MIB2: variants seen among roughly 807,000 people sequenced by gnomAD.
MIB2 encodes the protein E3 ubiquitin-protein ligase MIB2.
Under a neutral mutation model 96.6 loss-of-function variants are expected in MIB2, and 78 were observed. That is an observed-to-expected ratio of 0.81 (90% CI 0.67 to 0.97). MIB2 has a LOEUF of 0.97. Among genes scored for constraint, MIB2 ranks in the 50% least tolerant of loss-of-function variants. The pLI is 0.00. For synonymous variants in MIB2, 820 were observed against 629.5 expected, an observed-to-expected ratio of 1.30 and a Z score of -4.53; for missense variants, 1,543 against 1,424.0, an observed-to-expected ratio of 1.08 and a Z score of -1.35.
chr1:1,615,670 G>T, intron 1 of MIB2, 37 bp downstream of exon 1: 1 of 1,547,560 alleles, frequency 6.5e-7, no homozygotes. Flanking sequence ...CTGGTCCTCC[G>T]CACCGTCCCC....
chr1:1,616,213 G>GCCCGCCCCTGGCCCGCCCGTT (rs1553140930), intron 1 of MIB2: 12 of 627,568 alleles, frequency 1.9e-5, no homozygotes, highest in Non-Finnish European at 2.4e-5. Context: ...TGCCCGCCGT[G>GCCCGCCCCTGGCCCGCCCGTT]CCCGCCCCTG....
rs771648846 is a variant in MIB2 at position 1,623,888 on chromosome 1, A to G, written c.362A>G (p.His121Arg). ...DYDLCTQCYM[H>R]NKHELAHAFD... ...GACCTCTGCACGCAGTGCTACATGC[A>G]CAACAAGCATGAGCTCGCCCACGCC... The change falls in exon 4 of 20, where the codon CAC becomes CGC. Residue 121 changes from histidine to arginine, a missense_variant. Transcript: ENST00000355826. 2.7e-5 allele frequency: 44 copies of G among 1,612,100 alleles called. No individual in the cohort carries two copies. The highest frequency in any genetic ancestry group is 3.6e-5 in the Non-Finnish European group (42 of 1,179,562).
intron 2 of MIB2, chr1:1,617,168 G>A (rs1485262694): frequency 6.4e-6 from 1 of 156,384 alleles, no homozygotes; most frequent in Non-Finnish European, 1.4e-5. Context: ...ATCTGCGTTA[G>A]CTGGAGCTAC....
At position 1,624,581 on chromosome 1, in the gene MIB2, G is replaced by A. The variant is rs375260163; in HGVS notation, c.420-214G>A. Among the ~76,000 whole-genome samples, 10 of 152,298 alleles carry A rather than the reference G, an allele frequency of 6.6e-5. No individual in the cohort carries two copies. In the East Asian group the frequency reaches 1.2e-3, roughly 18 times the overall value. ...CTGGAGGAACGTGGTCCGCAGGTTC[G>A]CTCCAGGCCCCTGAGCCCAGGGGCA... is the stretch of plus-strand genomic sequence containing the variant. On this transcript the variant is annotated intron_variant, in intron 4 of 19. Coordinates refer to ENST00000355826, the MANE Select transcript of MIB2 (RefSeq NM_001170687.4).
intron 1 of MIB2, 119 bp downstream of exon 1, chr1:1,615,752 C>T (rs1030766869): frequency 9.6e-5 from 140 of 1,453,358 alleles, no homozygotes; most frequent in Non-Finnish European, 1.2e-4. Context: ...CAGCCCCGGG[C>T]TGGACTCGGC....
rs1644694163 is a variant in MIB2, at chr1:1,625,705, C to T, written c.972+52C>T. 1.4e-6 allele frequency: 2 copies of T among 1,455,656 alleles called. No homozygotes were observed. Among genetic ancestry groups the T allele is most frequent in the South Asian group, 1.2e-5 (1 of 81,610 alleles). The allele number at this position is 1,455,656 out of a possible 1,614,324, so 90.2% of individuals were successfully genotyped here. ...ATCTGCTTGCTTCTGTAACCCCTTCCACGTACCCCCTTGGCCTTGGGGGGT... is the reference window on the plus strand; with the variant it reads ...ATCTGCTTGCTTCTGTAACCCCTTCTACGTACCCCCTTGGCCTTGGGGGGT... On this transcript the variant is annotated intron_variant, in intron 8 of 19. Transcript: ENST00000355826. The surrounding 1 kb of genome is among the most constrained non-coding windows in gnomAD (Gnocchi z 5.0).
intron 2 of MIB2, 170 bp from the exon 3 acceptor site, chr1:1,623,261 C>A: frequency 8.6e-7 from 1 of 1,166,444 alleles, no homozygotes; most frequent in Non-Finnish European, 1.2e-6. Flanking sequence ...TGGTGCCAGA[C>A]TGCGGGCCTC....
At chr1:1,621,237 A>AGGGG (rs1644233850) in intron 2 of MIB2, among the ~76,000 whole-genome samples, 2 of 152,182 alleles carry the variant, frequency 1.3e-5, no homozygotes, top group African/African-American at 4.8e-5. Context: ...CCTGTGGGTC[A>AGGGG]CCCTGGGTGG....
At chr1:1,629,015 C>T (rs886530951) in intron 16 of MIB2, 118 bp from the exon 17 acceptor site, 2 of 1,144,440 alleles carry the variant, frequency 1.7e-6, no homozygotes, top group Non-Finnish European at 2.3e-6. Context: ...GGAAGAGGTG[C>T]CCTTGCCTTG....
chr1:1,627,540 T>G (rs1644914658), intron 12 of MIB2, 96 bp downstream of exon 12: 1 of 1,461,072 alleles, frequency 6.8e-7, no homozygotes, highest in African/African-American at 1.5e-5. Flanking sequence ...AGCCTGTGCG[T>G]CCTGGGGTGA....
rs374713270 is a variant in MIB2, at chr1:1,630,476, C to G, written c.2814C>G (p.Ser938Arg). The change falls in exon 20 of 20, where the codon AGC (serine) becomes AGG (arginine). Residue 938 changes from serine to arginine, a missense_variant. Ser to Arg is a moderately radical substitution (Grantham distance 110). Transcript: ENST00000355826. ...GCGCCCCCTGCGGCTCCGCGCTCAGCGCCTGCCCCATCTGCCGCCAGCCCA... is the reference window on the plus strand; with the variant it reads ...GCGCCCCCTGCGGCTCCGCGCTCAGGGCCTGCCCCATCTGCCGCCAGCCCA... ...GACAPCGSALSACPICRQPIR... is the reference protein window; with the variant it reads ...GACAPCGSALRACPICRQPIR... 6.3e-7 allele frequency: 1 copy of G among 1,593,530 alleles called. No homozygotes were observed. Among genetic ancestry groups the G allele is most frequent in the East Asian group, 2.3e-5 (1 of 43,814 alleles).
chr1:1,615,469 G>A, upstream of MIB2: 1 of 1,518,932 alleles, frequency 6.6e-7, no homozygotes, highest in Middle Eastern at 2.2e-4. Context: ...CATGGCGGGG[G>A]CGCTCCGGCG....
chr1:1,627,748 A>G lies in MIB2; in HGVS notation c.1599A>G (p.Thr533=), dbSNP rs771122259. The G allele has an allele frequency of 6.3e-6, 10 of 1,596,964 alleles. No homozygotes were observed. The highest frequency in any genetic ancestry group is 8.5e-6 in the Non-Finnish European group (10 of 1,179,048). ...RADAINSTQS[T]ALHVAVQRGF... Reference sequence around the variant, plus strand: ...ACGCCATCAACAGCACCCAGAGCACAGCACTGCACGTGGCCGTGCAGAGGG... The same window carrying G: ...ACGCCATCAACAGCACCCAGAGCACGGCACTGCACGTGGCCGTGCAGAGGG... The change falls in exon 13 of 20, where the codon ACA becomes ACG. Residue 533 remains threonine, a synonymous_variant. Coordinates refer to ENST00000355826, the MANE Select transcript of MIB2 (RefSeq NM_001170687.4).
At chr1:1,628,235 G>A (rs752914187) in intron 14 of MIB2, 38 bp from the exon 15 acceptor site, 15 of 1,612,640 alleles carry the variant, frequency 9.3e-6, no homozygotes, top group Non-Finnish European at 1.2e-5. Context: ...CTGCCTGGGG[G>A]CAGTCCCAGG....
rs751944572 is a variant in MIB2, at chr1:1,629,739, G to C, written c.2629+35G>C. The C allele has an allele frequency of 1.9e-6, 3 of 1,543,308 alleles. No homozygotes were observed. In the South Asian group the frequency reaches 3.7e-5, roughly 19 times the overall value. On this transcript the variant is annotated intron_variant, in intron 19 of 19. Transcript: ENST00000355826. The stretch of plus-strand genomic sequence containing the variant: ...GCTCTGCGCCCCCAACACGCCTCCT[G>C]CTCAGCTGGTGGCCCGCGGGTCCCC...
intron 2 of MIB2, among the ~76,000 whole-genome samples, chr1:1,619,613 G>T (rs1017800931): frequency 2.0e-5 from 3 of 152,212 alleles, no homozygotes; most frequent in African/African-American, 7.2e-5. Context: ...GGGCCCTGCA[G>T]GGGAGGCCTT....
chr1:1,626,859 T>C lies in MIB2; in HGVS notation c.1100T>C (p.Val367Ala), dbSNP rs758381540. 6 of 1,597,794 alleles carry C rather than the reference T, an allele frequency of 3.8e-6. No individual in the cohort carries two copies. Among genetic ancestry groups the C allele is most frequent in the Non-Finnish European group, 5.1e-6 (6 of 1,177,978 alleles). The change falls in exon 10 of 20, where the codon GTG (valine) becomes GCG (alanine). Residue 367 changes from valine (V) to alanine (A), a missense_variant. Physicochemically the swap from Val to Ala is moderately conservative, Grantham distance 64 (BLOSUM62 0). Coordinates refer to ENST00000355826, the MANE Select transcript of MIB2 (RefSeq NM_001170687.4). This position sits in a 1 kb window ranked among gnomAD's most constrained non-coding sequence, Gnocchi z 5.3. ...CAGGCCCTGGGCCGCGTCGGGAAGGTGGTGAAAGTGTTTGGAGACGGGAAC... is the reference window on the plus strand; with the variant it reads ...CAGGCCCTGGGCCGCGTCGGGAAGGCGGTGAAAGTGTTTGGAGACGGGAAC... Reference protein sequence around the residue: ...MAPALGRVGKVVKVFGDGNLR... With the variant: ...MAPALGRVGKAVKVFGDGNLR...
chr1:1,626,779 G>T lies in MIB2; in HGVS notation c.1077+25G>T. The T allele has an allele frequency of 1.9e-6, 3 of 1,544,700 alleles. No individual in the cohort carries two copies. Among genetic ancestry groups the T allele is most frequent in the Non-Finnish European group, 1.8e-6 (2 of 1,142,242 alleles). On this transcript the variant is annotated intron_variant, in intron 9 of 19. Coordinates refer to ENST00000355826, the MANE Select transcript of MIB2 (RefSeq NM_001170687.4). This position sits in a 1 kb window ranked among gnomAD's most constrained non-coding sequence, Gnocchi z 5.3. ...TGTGAGTCCCCCTGCCACCCCCGCCGCTAGCGCCGCTGCCCCCCACACCTG... is the reference window on the plus strand; with the variant it reads ...TGTGAGTCCCCCTGCCACCCCCGCCTCTAGCGCCGCTGCCCCCCACACCTG...
Position 1,623,769 on chromosome 1 carries a change from C to T in MIB2, c.248-5C>T. 1 of 1,589,508 alleles carries T rather than the reference C, an allele frequency of 6.3e-7. No homozygotes were observed. The highest frequency in any genetic ancestry group is 8.6e-7 in the Non-Finnish European group (1 of 1,169,010). The stretch of plus-strand genomic sequence containing the variant: ...AACGCCCCTCTGACCCCACCCCACC[C>T]CCAGGCGTCCGGCACCCCAACATCA... On this transcript the variant is annotated splice_region_variant and splice_polypyrimidine_tract_variant and intron_variant, in intron 3 of 19. Coordinates refer to ENST00000355826, the MANE Select transcript of MIB2 (RefSeq NM_001170687.4).
Sources: allele counts gnomAD v4.1 joint callset (sites outside exome capture counted in the v4.1 genomes callset), GRCh38; gene constraint gnomAD v4.1.1; non-coding constraint Gnocchi (gnomAD v3.1); transcripts MANE v1.5; gene names NCBI Gene and HGNC (gene_info 2026-07-23, HGNC 2026-07-21).